Variants in STAM2 observed in about 807,000 individuals in gnomAD.
STAM2 encodes signal transducing adaptor molecule 2.
In STAM2, 51 loss-of-function variants were observed where a neutral mutation model predicts 65.6. That is an observed-to-expected ratio of 0.78 (90% CI 0.62 to 0.98). The LOEUF (loss-of-function observed/expected upper bound fraction) is 0.98. Ranked by LOEUF, STAM2 falls within the 50% of genes least tolerant of loss-of-function variation. The pLI is 0.00. For synonymous variants in STAM2, 198 were observed against 208.4 expected (o/e 0.95, Z 0.43); for missense variants, 584 against 617.8 (o/e 0.95, Z 0.58).
Position 152,120,449 on chromosome 2 carries a change from T to C in STAM2, c.*125A>G, listed in dbSNP as rs1025720034. 24 of 793,484 alleles carry C rather than the reference T, an allele frequency of 3.0e-5. No individual in the cohort carries two copies. The highest frequency in any genetic ancestry group is 4.8e-5 in the Non-Finnish European group (24 of 503,806). 49.2% of individuals were successfully genotyped at this position (793,484 alleles called of 1,614,324 possible). A position where few individuals can be genotyped will look rare whatever the true frequency, so the allele number is the denominator to read the frequency against. On this transcript the variant is annotated 3_prime_UTR_variant, in exon 14 of 14. Coordinates refer to ENST00000263904, the MANE Select transcript of STAM2 (RefSeq NM_005843.6). Reference sequence around the variant, plus strand: ...GGCCTTGTAGAATAAGAGAGGTTTTTGTGCTTTATTTATTCATGGTCCTTT... The same window carrying C: ...GGCCTTGTAGAATAAGAGAGGTTTTCGTGCTTTATTTATTCATGGTCCTTT...
chr2:152,130,906 G>C (rs903691835), intron 11 of STAM2, among the ~76,000 whole-genome samples: 7 of 149,922 alleles, frequency 4.7e-5, no homozygotes, highest in Non-Finnish European at 7.4e-5. Context: ...ATGAGCCAGA[G>C]AATGGCTTGA....
rs967720904 is a variant in STAM2 at position 152,118,129 on chromosome 2, A to AT, written c.*2444dup. 1.1e-4 allele frequency: 17 copies of AT among 152,136 alleles called. No homozygotes were observed. The highest frequency in any genetic ancestry group is 2.1e-4 in the Non-Finnish European group (14 of 67,938). The allele number at this position is 152,136 out of a possible 1,614,324, so 9.4% of individuals were successfully genotyped here. Reference sequence around the variant, plus strand: ...GATTTCATATGAAAAAGCAGAAGCTATTTTTTTATTTCTGATATAAAACAG... The same window carrying AT: ...GATTTCATATGAAAAAGCAGAAGCTATTTTTTTTATTTCTGATATAAAACAG... On this transcript the variant is annotated 3_prime_UTR_variant, in exon 14 of 14. Transcript: ENST00000263904.
At chr2:152,130,188 C>T (rs185122235) in intron 11 of STAM2, among the ~76,000 whole-genome samples, 1 of 152,268 alleles carries the variant, frequency 6.6e-6, no homozygotes, top group Admixed American at 6.5e-5. Flanking sequence ...GGGAGCAGAA[C>T]CAAGTTAAAA....
chr2:152,158,497 G>T (rs1299544548), intron 1 of STAM2, among the ~76,000 whole-genome samples: 2 of 152,038 alleles, frequency 1.3e-5, no homozygotes, highest in Admixed American at 6.6e-5. Context: ...AATAATAATT[G>T]TAATACCCGA....
At chr2:152,138,896 T>C (rs1689199942) in intron 7 of STAM2, among the ~76,000 whole-genome samples, 2 of 152,344 alleles carry the variant, frequency 1.3e-5, no homozygotes, top group South Asian at 2.1e-4. Context: ...GCAAGCGTTT[T>C]ATATGAACCT....
intron 11 of STAM2, among the ~76,000 whole-genome samples, chr2:152,126,712 AC>A (rs34641996): frequency 6.6e-5 from 10 of 151,812 alleles, no homozygotes; most frequent in African/African-American, 2.4e-4. Flanking sequence ...TCCTTTGCAA[AC>A]CCCCCACGTT....
At chr2:152,156,327 T>C (rs1376217324) in intron 1 of STAM2, among the ~76,000 whole-genome samples, 4 of 152,350 alleles carry the variant, frequency 2.6e-5, no homozygotes, top group Admixed American at 2.6e-4. Flanking sequence ...AAAAGGACTT[T>C]GTTTTTCAAG....
chr2:152,127,294 G>T lies in STAM2; in HGVS notation c.1026-915C>A, dbSNP rs1030277403. Among the ~76,000 whole-genome samples, 4 of 152,100 alleles carry T rather than the reference G, an allele frequency of 2.6e-5. No individual in the cohort carries two copies. The East Asian group carries it at 7.7e-4, about 29-fold the overall frequency. On this transcript the variant is annotated intron_variant, in intron 11 of 13. Transcript: ENST00000263904. ...CACAATCCTCTACTGGTGACAATAT[G>T]ACTTTATAATATTAGGGAAAAGTCC... is the stretch of plus-strand genomic sequence containing the variant.
rs562143679 is a variant in STAM2 at position 152,152,680 on chromosome 2, T to C, written c.41-2451A>G. Among the ~76,000 whole-genome samples the C allele has an allele frequency of 2.0e-5, 3 of 152,318 alleles. No individual in the cohort carries two copies. In the East Asian group the frequency reaches 5.8e-4, roughly 29 times the overall value. On this transcript the variant is annotated intron_variant, in intron 1 of 13. Transcript: ENST00000263904. ...TTTGGTGTATATCTAGGAGTAGAAA[T>C]CCTGTGTCATATGGTAACTCTAAGT...
At chr2:152,137,377 C>T (rs1386180196) in intron 7 of STAM2, among the ~76,000 whole-genome samples, 1 of 152,214 alleles carries the variant, frequency 6.6e-6, no homozygotes, top group African/African-American at 2.4e-5. Flanking sequence ...ATTTCCCAAG[C>T]ATCTACTTGT....
chr2:152,137,564 G>A (rs755191943), intron 7 of STAM2, among the ~76,000 whole-genome samples: 2 of 152,028 alleles, frequency 1.3e-5, no homozygotes, highest in Non-Finnish European at 2.9e-5. Flanking sequence ...CTAGGCTGTC[G>A]CTGTCTTTTC....
Position 152,167,978 on chromosome 2 carries a change from G to T in STAM2, c.40+7625C>A, listed in dbSNP as rs182400636. ...AAGACAAAATGAAAAATCAAGGAAG[G>T]GGGAGAAGAAAAGTGGTCAGATTAA... On this transcript the variant is annotated intron_variant, in intron 1 of 13. Coordinates refer to ENST00000263904, the MANE Select transcript of STAM2 (RefSeq NM_005843.6). 3.9e-3 allele frequency among the ~76,000 whole-genome samples: 594 copies of T among 151,672 alleles called. 1 individual carries two copies. Among genetic ancestry groups the T allele is most frequent in the Non-Finnish European group, 6.0e-3 (404 of 67,892 alleles).
chr2:152,132,143 C>A lies in STAM2; in HGVS notation c.996G>T (p.Met332Ile), dbSNP rs1298812367. ...LEDICQQMGP[M>I]IDEKLEEIDR... ...CAATTTCTTCAAGTTTTTCATCTAT[C>A]ATTGGACCCATCTGTTGGCAGATAT... The change falls in exon 11 of 14, where the codon ATG becomes ATT. Residue 332 changes from methionine to isoleucine, a missense_variant. Transcript: ENST00000263904. 1.2e-6 allele frequency: 2 copies of A among 1,611,858 alleles called. No homozygotes were observed. Among genetic ancestry groups the A allele is most frequent in the East Asian group, 2.2e-5 (1 of 44,784 alleles).
intron 1 of STAM2, among the ~76,000 whole-genome samples, chr2:152,174,926 C>G (rs1689984805): frequency 1.3e-5 from 2 of 152,158 alleles, no homozygotes. Context: ...GAGAGACCAG[C>G]GCTTTATGAC....
Position 152,117,620 on chromosome 2 carries a change from A to T in STAM2, c.*2954T>A, listed in dbSNP as rs1422980856. ...CGATAGAAATAAAGCATTATAGATCAGTGCTATTTATAATTTATTACTTAT... is the reference window on the plus strand; with the variant it reads ...CGATAGAAATAAAGCATTATAGATCTGTGCTATTTATAATTTATTACTTAT... On this transcript the variant is annotated 3_prime_UTR_variant, in exon 14 of 14. Transcript: ENST00000263904. 6.6e-6 allele frequency: 1 copy of T among 152,228 alleles called. No homozygotes were observed. The highest frequency in any genetic ancestry group is 1.5e-5 in the Non-Finnish European group (1 of 68,028). 9.4% of individuals were successfully genotyped at this position (152,228 alleles called of 1,614,324 possible). A position where few individuals can be genotyped will look rare whatever the true frequency, so the allele number is the denominator to read the frequency against.
chr2:152,147,412 T>A, intron 4 of STAM2, 104 bp from the exon 5 acceptor site: 2 of 1,133,348 alleles, frequency 1.8e-6, no homozygotes, highest in Non-Finnish European at 2.4e-6. Flanking sequence ...TTTAATTATA[T>A]GAACATCAAC....
intron 1 of STAM2, among the ~76,000 whole-genome samples, chr2:152,169,821 C>CAGG (rs1414247471): frequency 1.7e-4 from 26 of 150,390 alleles, no homozygotes; most frequent in African/African-American, 6.1e-4. Context: ...GGGAAATCAA[C>CAGG]AAACACTTGG....
intron 1 of STAM2, among the ~76,000 whole-genome samples, chr2:152,158,031 C>G (rs1243218052): frequency 6.6e-6 from 1 of 152,148 alleles, no homozygotes; most frequent in Non-Finnish European, 1.5e-5. Context: ...AAATAGATGT[C>G]AGCATAACCC....
chr2:152,160,981 C>T (rs1423664373), intron 1 of STAM2, among the ~76,000 whole-genome samples: 1 of 152,122 alleles, frequency 6.6e-6, no homozygotes. Context: ...CCGGCCACCA[C>T]CCCGTCTGGG....
Sources: allele counts gnomAD v4.1 joint callset (sites outside exome capture counted in the v4.1 genomes callset), GRCh38; gene constraint gnomAD v4.1.1; transcripts MANE v1.5; gene names NCBI Gene and HGNC (gene_info 2026-07-23, HGNC 2026-07-21).